Variants in TUBAL3 observed in about 807,000 individuals in gnomAD.
TUBAL3 encodes tubulin alpha chain-like 3.
In TUBAL3, 16 loss-of-function variants were observed where a neutral mutation model predicts 15.5. The observed-to-expected ratio is 1.04, with a 90% CI of 0.70 to 1.57. The LOEUF (loss-of-function observed/expected upper bound fraction) is 1.57, where lower values mean the gene tolerates loss of function less well. Among genes scored for constraint, TUBAL3 ranks in the 40% most tolerant of loss-of-function variants. TUBAL3 has a pLI of 0.00. For synonymous variants in TUBAL3, 238 were observed against 224.3 expected, an observed-to-expected ratio of 1.06 and a Z score of -0.55; for missense variants, 609 against 576.2, an observed-to-expected ratio of 1.06 and a Z score of -0.58.
At chr10:5,399,012 A>G (rs560576833) in intron 2 of TUBAL3, among the ~76,000 whole-genome samples, 9 of 152,300 alleles carry the variant, frequency 5.9e-5, no homozygotes, top group Non-Finnish European at 1.3e-4. Context: ...CTTATTCACT[A>G]GATTAGGCTA....
chr10:5,399,329 TGTGA>T (rs1831812854), intron 2 of TUBAL3, among the ~76,000 whole-genome samples: 1 of 152,210 alleles, frequency 6.6e-6, no homozygotes, highest in Non-Finnish European at 1.5e-5. Context: ...GGTGAGTCTT[TGTGA>T]GTAATTAGGT....
chr10:5,393,250 A>T lies in TUBAL3; in HGVS notation c.*267T>A, dbSNP rs1321454913. 1 of 357,224 alleles carries T rather than the reference A, an allele frequency of 2.8e-6. No individual in the cohort carries two copies. The highest frequency in any genetic ancestry group is 5.0e-6 in the Non-Finnish European group (1 of 199,764). The allele number at this position is 357,224 out of a possible 1,614,324, so 22.1% of individuals were successfully genotyped here. On this transcript the variant is annotated 3_prime_UTR_variant, in exon 4 of 4. Coordinates refer to ENST00000380419, the MANE Select transcript of TUBAL3 (RefSeq NM_024803.3). ...TCATTGTCTCTTGGTAAAACAAAAA[A>T]ATCCCACCTAGAAGTGACTCAGCAG...
At position 5,396,334 on chromosome 10, in the gene TUBAL3, C is replaced by G. The variant is rs1831764157; in HGVS notation, c.248-859G>C. Among the ~76,000 whole-genome samples, 1 of 151,844 alleles carries G rather than the reference C, an allele frequency of 6.6e-6. No individual in the cohort carries two copies. The highest frequency in any genetic ancestry group is 6.6e-5 in the Admixed American group (1 of 15,244). On this transcript the variant is annotated intron_variant, in intron 2 of 3. Coordinates refer to ENST00000380419, the MANE Select transcript of TUBAL3 (RefSeq NM_024803.3). This position sits in a 1 kb window ranked among gnomAD's most constrained non-coding sequence, Gnocchi z 5.1. ...ACCAGCCTGGCCAACATGGTGAAAC[C>G]CTGTCTCTACTAAAAGTACAGAAAA...
At chr10:5,404,057 A>G (rs1831896636) in intron 1 of TUBAL3, among the ~76,000 whole-genome samples, 1 of 152,232 alleles carries the variant, frequency 6.6e-6, no homozygotes, top group South Asian at 2.1e-4. Context: ...GATACAGAAC[A>G]TGCTATTATC....
rs1163052386 is a variant in TUBAL3, at chr10:5,397,918, C to A, written c.248-2443G>T. Among the ~76,000 whole-genome samples, 1 of 152,184 alleles carries A rather than the reference C, an allele frequency of 6.6e-6. No individual in the cohort carries two copies. The highest frequency in any genetic ancestry group is 2.4e-5 in the African/African-American group (1 of 41,432). ...AGCTCCTGCTCACACCTATGCCTGG[C>A]CAAGCTGAACTCCTGGTTACACTTG... On this transcript the variant is annotated intron_variant, in intron 2 of 3. Transcript: ENST00000380419. The surrounding 1 kb of genome is among the most constrained non-coding windows in gnomAD (Gnocchi z 4.9).
chr10:5,395,529 C>A lies in TUBAL3; in HGVS notation c.248-54G>T. 7.3e-7 allele frequency: 1 copy of A among 1,365,744 alleles called. No homozygotes were observed. Among genetic ancestry groups the A allele is most frequent in the Non-Finnish European group, 9.6e-7 (1 of 1,044,758 alleles). 84.6% of individuals were successfully genotyped at this position (1,365,744 alleles called of 1,614,324 possible). ...ACTCACCCAGTGCAATTCAGCCGTC[C>A]ACCTGCTGCTAGTCCTCCTGGAGCC... is the stretch of plus-strand genomic sequence containing the variant. On this transcript the variant is annotated intron_variant, in intron 2 of 3. Coordinates refer to ENST00000380419, the MANE Select transcript of TUBAL3 (RefSeq NM_024803.3). This position sits in a 1 kb window ranked among gnomAD's most constrained non-coding sequence, Gnocchi z 4.6.
Position 5,395,504 on chromosome 10 carries a change from A to C in TUBAL3, c.248-29T>G. 4 of 1,438,192 alleles carry C rather than the reference A, an allele frequency of 2.8e-6. No homozygotes were observed. The highest frequency in any genetic ancestry group is 3.7e-6 in the Non-Finnish European group (4 of 1,080,174). The allele number at this position is 1,438,192 out of a possible 1,614,324, so 89.1% of individuals were successfully genotyped here. On this transcript the variant is annotated intron_variant, in intron 2 of 3. Transcript: ENST00000380419. This position sits in a 1 kb window ranked among gnomAD's most constrained non-coding sequence, Gnocchi z 4.6. ...CAGAGGGTGAAAGGAGGTCAGTGCAACTCACCCAGTGCAATTCAGCCGTCC... is the reference window on the plus strand; with the variant it reads ...CAGAGGGTGAAAGGAGGTCAGTGCACCTCACCCAGTGCAATTCAGCCGTCC...
At chr10:5,399,860 A>G (rs7475717) in intron 2 of TUBAL3, among the ~76,000 whole-genome samples, 114,442 of 152,110 alleles carry the variant, frequency 0.75, 43,333 homozygotes, top group East Asian at 0.82. Context: ...GCGAGCTGTC[A>G]CCTCTGAGCC....
rs781787369 is a variant in TUBAL3, at chr10:5,394,062, G to T, written c.796C>A (p.Leu266Met). The T allele has an allele frequency of 3.1e-6, 5 of 1,614,206 alleles. No homozygotes were observed. The highest frequency in any genetic ancestry group is 3.4e-6 in the Non-Finnish European group (4 of 1,180,040). ...AAATGTATTCTCGGATAAGGTACCA[G>T]GTTGGTCTGGAATTCAATTAGGTCT... ...NVDLIEFQTN[L>M]VPYPRIHFPM... The change falls in exon 4 of 4, where the codon CTG becomes ATG. Residue 266 changes from leucine (L) to methionine (M), a missense_variant. Transcript: ENST00000380419. This position sits in a 1 kb window ranked among gnomAD's most constrained non-coding sequence, Gnocchi z 4.3.
At position 5,397,172 on chromosome 10, in the gene TUBAL3, G is replaced by T. The variant is rs2119142412; in HGVS notation, c.248-1697C>A. ...GTCCTAGAAGCTCACAGCCTAAGGA[G>T]AAATGCATTGTGTTTCTGTTTAATA... On this transcript the variant is annotated intron_variant, in intron 2 of 3. Coordinates refer to ENST00000380419, the MANE Select transcript of TUBAL3 (RefSeq NM_024803.3). This position sits in a 1 kb window ranked among gnomAD's most constrained non-coding sequence, Gnocchi z 4.9. 6.6e-6 allele frequency among the ~76,000 whole-genome samples: 1 copy of T among 152,322 alleles called. No homozygotes were observed. The highest frequency in any genetic ancestry group is 2.4e-5 in the African/African-American group (1 of 41,572).
In TUBAL3 at chr10:5,395,555, T is replaced by A. The variant is rs1212825191; in HGVS notation, c.248-80A>T. ...ACCTGCTGCTAGTCCTCCTGGAGCC[T>A]CCCCGTACTTGACTCCCATGCTTTC... is the stretch of plus-strand genomic sequence containing the variant. On this transcript the variant is annotated intron_variant, in intron 2 of 3. Coordinates refer to ENST00000380419, the MANE Select transcript of TUBAL3 (RefSeq NM_024803.3). The surrounding 1 kb of genome is among the most constrained non-coding windows in gnomAD (Gnocchi z 4.6). 14 of 1,321,662 alleles carry A rather than the reference T, an allele frequency of 1.1e-5. No homozygotes were observed. The African/African-American group carries it at 1.7e-4, about 16-fold the overall frequency. The allele number at this position is 1,321,662 out of a possible 1,614,324, so 81.9% of individuals were successfully genotyped here.
chr10:5,397,872 C>T lies in TUBAL3; in HGVS notation c.248-2397G>A, dbSNP rs371697383. On this transcript the variant is annotated intron_variant, in intron 2 of 3. Coordinates refer to ENST00000380419, the MANE Select transcript of TUBAL3 (RefSeq NM_024803.3). This position sits in a 1 kb window ranked among gnomAD's most constrained non-coding sequence, Gnocchi z 4.9. ...CTTGAGCCTGCCCCAGACCATCTTC[C>T]CAGACTCATCCCCTGCTTTGAGCTC... 2.0e-5 allele frequency among the ~76,000 whole-genome samples: 3 copies of T among 152,202 alleles called. No individual in the cohort carries two copies. The highest frequency in any genetic ancestry group is 7.2e-5 in the African/African-American group (3 of 41,438).
At chr10:5,404,605 A>T (rs1281511210) in intron 1 of TUBAL3, among the ~76,000 whole-genome samples, 185 bp downstream of exon 1, 1 of 152,248 alleles carries the variant, frequency 6.6e-6, no homozygotes, top group African/African-American at 2.4e-5. Context: ...ATTACAGAGG[A>T]ATAGATTACA....
Position 5,395,170 on chromosome 10 carries a change from A to T in TUBAL3, c.396+157T>A, listed in dbSNP as rs187289902. Among the ~76,000 whole-genome samples the T allele has an allele frequency of 5.3e-5, 8 of 152,328 alleles. No individual in the cohort carries two copies. The highest frequency in any genetic ancestry group is 3.3e-4 in the Admixed American group (5 of 15,302). The stretch of plus-strand genomic sequence containing the variant: ...CTAGTAACAAGGGGAAATCAAAGCC[A>T]AGATGAGAACCCCTCCCCAGTTCTG... On this transcript the variant is annotated intron_variant, in intron 3 of 3. Coordinates refer to ENST00000380419, the MANE Select transcript of TUBAL3 (RefSeq NM_024803.3). This position sits in a 1 kb window ranked among gnomAD's most constrained non-coding sequence, Gnocchi z 4.6.
rs892807706 is a variant in TUBAL3, at chr10:5,397,518, A to C, written c.248-2043T>G. ...CGGGATCTTGAGGGTCAATAGGTTC[A>C]TAATTTATTTCCATAAAATCCATTA... On this transcript the variant is annotated intron_variant, in intron 2 of 3. Transcript: ENST00000380419. This position sits in a 1 kb window ranked among gnomAD's most constrained non-coding sequence, Gnocchi z 4.9. Among the ~76,000 whole-genome samples the C allele has an allele frequency of 2.6e-5, 4 of 152,186 alleles. No individual in the cohort carries two copies. Among genetic ancestry groups the C allele is most frequent in the Non-Finnish European group, 5.9e-5 (4 of 68,034 alleles).
In TUBAL3 at chr10:5,393,848, G is replaced by A; in HGVS notation, c.1010C>T (p.Ala337Val). The A allele has an allele frequency of 1.2e-6, 2 of 1,614,188 alleles. No homozygotes were observed. Among genetic ancestry groups the A allele is most frequent in the Non-Finnish European group, 1.7e-6 (2 of 1,180,042 alleles). The change falls in exon 4 of 4, where the codon GCA (alanine) becomes GTA (valine). Residue 337 changes from alanine to valine, a missense_variant. By Grantham distance (64) the Ala-to-Val change is moderately conservative. Coordinates refer to ENST00000380419, the MANE Select transcript of TUBAL3 (RefSeq NM_024803.3). ...RGDVVPKEVN[A>V]AIAATKSRHS... is the part of the protein sequence containing the mutation. ...CCTCGACTTCGTGGCTGCGATTGCT[G>A]CATTCACTTCCTTGGGGACCACATC... is the stretch of plus-strand genomic sequence containing the variant.
At position 5,395,942 on chromosome 10, in the gene TUBAL3, C is replaced by T. The variant is rs140155380; in HGVS notation, c.248-467G>A. Among the ~76,000 whole-genome samples, 6 of 152,260 alleles carry T rather than the reference C, an allele frequency of 3.9e-5. No individual in the cohort carries two copies. The highest frequency in any genetic ancestry group is 9.6e-5 in the African/African-American group (4 of 41,550). On this transcript the variant is annotated intron_variant, in intron 2 of 3. Coordinates refer to ENST00000380419, the MANE Select transcript of TUBAL3 (RefSeq NM_024803.3). The surrounding 1 kb of genome is among the most constrained non-coding windows in gnomAD (Gnocchi z 4.6). ...CCTTCCAATCTCTACCTCTGGCATA[C>T]AAGCCTTTTCCCCTGTATGTGTGTC...
Position 5,394,968 on chromosome 10 carries a change from T to C in TUBAL3, c.396+359A>G, listed in dbSNP as rs1831741468. On this transcript the variant is annotated intron_variant, in intron 3 of 3. Coordinates refer to ENST00000380419, the MANE Select transcript of TUBAL3 (RefSeq NM_024803.3). The surrounding 1 kb of genome is among the most constrained non-coding windows in gnomAD (Gnocchi z 4.3). Reference sequence around the variant, plus strand: ...GCATCTCCAGATAGGGAGTGCCTCTTGCTAACTTCATAAACATCAGTTACT... The same window carrying C: ...GCATCTCCAGATAGGGAGTGCCTCTCGCTAACTTCATAAACATCAGTTACT... Among the ~76,000 whole-genome samples the C allele has an allele frequency of 6.6e-6, 1 of 152,202 alleles. No homozygotes were observed. The highest frequency in any genetic ancestry group is 1.5e-5 in the Non-Finnish European group (1 of 68,032).
Position 5,395,419 on chromosome 10 carries a change from C to A in TUBAL3, c.304G>T (p.Gly102Ter), listed in dbSNP as rs150216035. The change falls in exon 3 of 4, where the codon GGA becomes TGA. Residue 102 changes from glycine (G) to a stop codon, truncating the protein, a stop_gained. Transcript: ENST00000380419. LOFTEE classifies it high-confidence loss of function. This position sits in a 1 kb window ranked among gnomAD's most constrained non-coding sequence, Gnocchi z 4.6. ...SLFHPEQLLS[G>*]KEDAANNYAR... ...TAATTGTTAGCAGCATCCTCCTTTC[C>A]GCTAAGGAGCTGCTCGGGGTGGAAG... 4 of 1,605,524 alleles carry A rather than the reference C, an allele frequency of 2.5e-6. No homozygotes were observed. The highest frequency in any genetic ancestry group is 3.4e-6 in the Non-Finnish European group (4 of 1,174,998).
Sources: allele counts gnomAD v4.1 joint callset (sites outside exome capture counted in the v4.1 genomes callset), GRCh38; gene constraint gnomAD v4.1.1; non-coding constraint Gnocchi (gnomAD v3.1); transcripts MANE v1.5; gene names NCBI Gene and HGNC (gene_info 2026-07-23, HGNC 2026-07-21).